The following FAF2 variants were observed in gnomAD, a reference collection of about 807,000 sequenced individuals.
FAF2 encodes the protein Fas associated factor family member 2.
Under a neutral mutation model 62.3 loss-of-function variants are expected in FAF2, and 9 were observed. The ratio of observed to expected loss-of-function variants is 0.14; its 90% confidence interval spans 0.09 to 0.25. The LOEUF (loss-of-function observed/expected upper bound fraction) is 0.25, where lower values mean the gene tolerates loss of function less well. Among genes scored for constraint, FAF2 ranks in the 10% least tolerant of loss-of-function variants. The pLI is 1.00. For missense variants in FAF2, 368 were observed against 556.2 expected (o/e 0.66, Z 3.40); for synonymous variants, 202 against 198.0 (o/e 1.02, Z -0.17).
At chr5:176,469,408 G>A (rs982148679) in intron 1 of FAF2, among the ~76,000 whole-genome samples, 1 of 152,130 alleles carries the variant, frequency 6.6e-6, no homozygotes, top group Admixed American at 6.6e-5. Context: ...TTTTATTGCT[G>A]AGCAGAGAAT....
intron 7 of FAF2, 141 bp from the exon 8 acceptor site, chr5:176,496,345 G>A: frequency 1.7e-6 from 1 of 597,730 alleles, no homozygotes. Context: ...AGGAGGCGGG[G>A]AAAAAGCGGA....
At chr5:176,450,800 T>G (rs1217420958) in intron 1 of FAF2, among the ~76,000 whole-genome samples, 1 of 152,016 alleles carries the variant, frequency 6.6e-6, no homozygotes, top group Non-Finnish European at 1.5e-5. Flanking sequence ...TGATCCGCCC[T>G]CCTCGGCTGG....
At chr5:176,457,840 A>G (rs928258831) in intron 1 of FAF2, among the ~76,000 whole-genome samples, 2 of 152,176 alleles carry the variant, frequency 1.3e-5, no homozygotes, top group Non-Finnish European at 2.9e-5. Flanking sequence ...TTCATACTAA[A>G]TACTGGGGAA....
intron 10 of FAF2, among the ~76,000 whole-genome samples, 164 bp from the exon 11 acceptor site, chr5:176,506,604 A>C (rs894701694): frequency 1.3e-5 from 2 of 152,202 alleles, no homozygotes; most frequent in African/African-American, 4.8e-5. Context: ...TGCCATGGGA[A>C]ATGAAAAGAT....
At chr5:176,477,535 A>G (rs954477880) in intron 1 of FAF2, among the ~76,000 whole-genome samples, 23 of 152,206 alleles carry the variant, frequency 1.5e-4, no homozygotes, top group African/African-American at 5.5e-4. Flanking sequence ...GAGTCCTGTA[A>G]TGGTCAGGAC....
intron 10 of FAF2, among the ~76,000 whole-genome samples, chr5:176,504,587 A>G (rs1581078234): frequency 6.6e-6 from 1 of 152,232 alleles, no homozygotes; most frequent in East Asian, 1.9e-4. Flanking sequence ...CCATCTCAAA[A>G]AAAAAAGGTA....
chr5:176,464,248 C>T (rs1422517072), intron 1 of FAF2, among the ~76,000 whole-genome samples: 1 of 151,986 alleles, frequency 6.6e-6, no homozygotes, highest in Non-Finnish European at 1.5e-5. Flanking sequence ...ACACCCAGCC[C>T]CCACCTATTT....
Position 176,448,437 on chromosome 5 carries a change from C to A in FAF2, c.30C>A (p.Thr10=). Residue 10 remains threonine (T), a synonymous_variant, in exon 1 of 11, where the codon ACC becomes ACA. Coordinates refer to ENST00000261942, the MANE Select transcript of FAF2 (RefSeq NM_014613.3). ...CGGCGCCTGAGGAGCGGGATCTAAC[C>A]CAGGAGCAGACAGAGAAGCTGCTGC... is the stretch of plus-strand genomic sequence containing the variant. MAAPEERDL[T]QEQTEKLLQF... 1.2e-6 allele frequency: 2 copies of A among 1,607,474 alleles called. No individual in the cohort carries two copies. Among genetic ancestry groups the A allele is most frequent in the African/African-American group, 1.3e-5 (1 of 74,998 alleles).
rs1352052635 is a variant in FAF2, at chr5:176,494,163, C to T, written c.570-21C>T. ...TATAGTCAGCAAGTTGTTCTCATAT[C>T]CTTTTCATACCTTTCCACAGCAACA... On this transcript the variant is annotated intron_variant, in intron 6 of 10. Coordinates refer to ENST00000261942, the MANE Select transcript of FAF2 (RefSeq NM_014613.3). This position sits in a 1 kb window ranked among gnomAD's most constrained non-coding sequence, Gnocchi z 4.0. 6.2e-7 allele frequency: 1 copy of T among 1,612,150 alleles called. No individual in the cohort carries two copies. Among genetic ancestry groups the T allele is most frequent in the South Asian group, 1.1e-5 (1 of 91,038 alleles).
intron 1 of FAF2, among the ~76,000 whole-genome samples, chr5:176,475,967 C>A (rs1758681336): frequency 6.6e-6 from 1 of 151,994 alleles, no homozygotes; most frequent in Admixed American, 6.6e-5. Context: ...AGTTAAAAAA[C>A]CCCAGTAACC....
At chr5:176,492,731 T>G (rs1475130502) in intron 5 of FAF2, among the ~76,000 whole-genome samples, 1 of 152,212 alleles carries the variant, frequency 6.6e-6, no homozygotes, top group Non-Finnish European at 1.5e-5. Context: ...CTATCCCTGA[T>G]TGTTGTGCCC....
At chr5:176,454,360 T>C (rs1437652723) in intron 1 of FAF2, among the ~76,000 whole-genome samples, 1 of 151,970 alleles carries the variant, frequency 6.6e-6, no homozygotes, top group African/African-American at 2.4e-5. Flanking sequence ...GCCACTGCAC[T>C]CCAAGCCTGG....
intron 7 of FAF2, 122 bp from the exon 8 acceptor site, chr5:176,496,364 G>T: frequency 1.4e-6 from 1 of 717,336 alleles, no homozygotes; most frequent in Non-Finnish European, 2.1e-6. Context: ...GAGACTAAAT[G>T]ATACCTCTCG....
At chr5:176,473,528 C>T (rs1175337502) in intron 1 of FAF2, among the ~76,000 whole-genome samples, 1 of 152,112 alleles carries the variant, frequency 6.6e-6, no homozygotes, top group African/African-American at 2.4e-5. Context: ...CCGTTCTGTA[C>T]TCTTTGGAAG....
chr5:176,451,827 TAC>T (rs1561813444), intron 1 of FAF2, among the ~76,000 whole-genome samples: 16 of 44,566 alleles, frequency 3.6e-4, no homozygotes, highest in African/African-American at 8.4e-4. Context: ...TATATATATA[TAC>T]ATATATATAT....
intron 7 of FAF2, among the ~76,000 whole-genome samples, chr5:176,495,719 C>T (rs368212387): frequency 6.6e-6 from 1 of 152,044 alleles, no homozygotes; most frequent in African/African-American, 2.4e-5. Context: ...ATTATGTTGG[C>T]CAGGCTGGTC....
At chr5:176,502,407 C>T (rs942097862) in intron 10 of FAF2, among the ~76,000 whole-genome samples, 13 of 151,460 alleles carry the variant, frequency 8.6e-5, no homozygotes, top group African/African-American at 1.2e-4. Flanking sequence ...ATGGAGAAAC[C>T]CTGTCTCTAC....
At chr5:176,483,451 T>C (rs1259018531) in intron 2 of FAF2, among the ~76,000 whole-genome samples, 1 of 152,216 alleles carries the variant, frequency 6.6e-6, no homozygotes, top group Non-Finnish European at 1.5e-5. Context: ...TATAGTGTGA[T>C]CTAGGGGTTA....
chr5:176,488,109 C>T (rs1453069019), intron 3 of FAF2, among the ~76,000 whole-genome samples: 3 of 152,150 alleles, frequency 2.0e-5, no homozygotes, highest in Non-Finnish European at 4.4e-5. Flanking sequence ...TCCCAAATTG[C>T]TGGGAGTACA....
Sources: allele counts gnomAD v4.1 joint callset (sites outside exome capture counted in the v4.1 genomes callset), GRCh38; gene constraint gnomAD v4.1.1; non-coding constraint Gnocchi (gnomAD v3.1); transcripts MANE v1.5; gene names NCBI Gene and HGNC (gene_info 2026-07-23, HGNC 2026-07-21).